The following PLCH1 variants were observed in gnomAD, a reference collection of about 807,000 sequenced individuals.
The protein encoded by PLCH1 is 1-phosphatidylinositol 4,5-bisphosphate phosphodiesterase eta-1.
In PLCH1, 60 loss-of-function variants were observed where a neutral mutation model predicts 126.7. The observed-to-expected ratio is 0.47, with a 90% CI of 0.38 to 0.59. The LOEUF is 0.59. Among genes scored for constraint, PLCH1 ranks in the 20% least tolerant of loss-of-function variants. The probability of loss-of-function intolerance (pLI) is 0.00; values close to 1 mark genes in which losing one functional copy is unlikely to be tolerated. For synonymous variants in PLCH1, 719 were observed against 734.9 expected (o/e 0.98, Z 0.35); for missense variants, 1,723 against 2,040.0 (o/e 0.84, Z 2.99).
intron 11 of PLCH1, among the ~76,000 whole-genome samples, chr3:155,521,361 C>A (rs539322404): frequency 6.6e-6 from 1 of 152,198 alleles, no homozygotes; most frequent in Non-Finnish European, 1.5e-5. Context: ...ATACCTACAA[C>A]AATGATGAGC....
chr3:155,627,583 G>C (rs1324598754), intron 2 of PLCH1, among the ~76,000 whole-genome samples: 1 of 150,812 alleles, frequency 6.6e-6, no homozygotes, highest in Non-Finnish European at 1.5e-5. Context: ...GCAGTGAGCC[G>C]AGATTGTGCC....
rs768008952 is a variant in PLCH1, at chr3:155,500,663, C to T, written c.1796+40G>A. ...ACTAAGCTGACAAGGATGGAGGGGC[C>T]TCAGGAGTGTGAGTAGGAAACATGG... On this transcript the variant is annotated intron_variant, in intron 14 of 22. Transcript: ENST00000460012. 56 of 1,227,750 alleles carry T rather than the reference C, an allele frequency of 4.6e-5. No homozygotes were observed. The Admixed American group carries it at 6.6e-4, about 14-fold the overall frequency. The allele number at this position is 1,227,750 out of a possible 1,614,324, so 76.1% of individuals were successfully genotyped here.
chr3:155,487,954 T>C, intron 21 of PLCH1, 74 bp downstream of exon 21: 1 of 958,272 alleles, frequency 1.0e-6, no homozygotes, highest in Non-Finnish European at 1.7e-6. Flanking sequence ...TACATTCCTA[T>C]TATGCAATTA....
At chr3:155,677,420 G>A (rs751964192) in intron 2 of PLCH1, among the ~76,000 whole-genome samples, 1 of 152,112 alleles carries the variant, frequency 6.6e-6, no homozygotes, top group Non-Finnish European at 1.5e-5. Flanking sequence ...AGGTATATGT[G>A]GGCACACACA....
intron 1 of PLCH1, among the ~76,000 whole-genome samples, chr3:155,731,918 G>A (rs1304844100): frequency 6.6e-6 from 1 of 150,714 alleles, no homozygotes; most frequent in Non-Finnish European, 1.5e-5. Context: ...TTGAGGTTAA[G>A]GCTGCAATGA....
At chr3:155,478,737 T>C (rs1318234560), downstream of PLCH1, among the ~76,000 whole-genome samples, 2 of 152,196 alleles carry the variant, frequency 1.3e-5, no homozygotes, top group South Asian at 2.1e-4. Flanking sequence ...AGTTTTTTCA[T>C]GTGTGAAATG....
chr3:155,519,716 T>C (rs1373588437), intron 11 of PLCH1, among the ~76,000 whole-genome samples: 2 of 145,404 alleles, frequency 1.4e-5, no homozygotes, highest in East Asian at 2.0e-4. Flanking sequence ...CATTCCAATA[T>C]GTGGCCAGAG....
intron 2 of PLCH1, among the ~76,000 whole-genome samples, chr3:155,603,835 C>G (rs1734041750): frequency 6.6e-6 from 1 of 152,024 alleles, no homozygotes; most frequent in Non-Finnish European, 1.5e-5. Flanking sequence ...TGGTGGCTGA[C>G]ACCTGTAATC....
chr3:155,470,857 T>C (rs1013791898), intron 21 of PLCH1, among the ~76,000 whole-genome samples: 10 of 151,850 alleles, frequency 6.6e-5, no homozygotes, highest in Non-Finnish European at 1.3e-4. Flanking sequence ...AATAAAATAA[T>C]TTACAAACAA....
chr3:155,590,361 G>A (rs1413723388), intron 4 of PLCH1, among the ~76,000 whole-genome samples: 1 of 152,124 alleles, frequency 6.6e-6, no homozygotes, highest in Admixed American at 6.6e-5. Flanking sequence ...GGAGGATCAC[G>A]AGGTCAGGAG....
intron 2 of PLCH1, among the ~76,000 whole-genome samples, chr3:155,600,333 T>A (rs1277897779): frequency 1.3e-5 from 2 of 152,226 alleles, no homozygotes; most frequent in African/African-American, 2.4e-5. Flanking sequence ...CCAACAGAAA[T>A]GATTAACAGC....
chr3:155,671,442 C>T (rs1163836755), intron 2 of PLCH1, among the ~76,000 whole-genome samples: 2 of 152,100 alleles, frequency 1.3e-5, no homozygotes, highest in Non-Finnish European at 2.9e-5. Flanking sequence ...TTTATATAGT[C>T]ACAATAATGT....
At chr3:155,639,188 G>A (rs1739094155) in intron 2 of PLCH1, among the ~76,000 whole-genome samples, 1 of 152,106 alleles carries the variant, frequency 6.6e-6, no homozygotes, top group Non-Finnish European at 1.5e-5. Context: ...GGCCAGGGGT[G>A]GTGCTCACAC....
chr3:155,486,334 T>C (rs1379513650), intron 21 of PLCH1: 1 of 619,214 alleles, frequency 1.6e-6, no homozygotes, highest in East Asian at 2.8e-5. Flanking sequence ...TGGGGATTTT[T>C]AGTCTTATGC....
At chr3:155,684,907 T>C (rs1253652505) in intron 2 of PLCH1, among the ~76,000 whole-genome samples, 1 of 152,234 alleles carries the variant, frequency 6.6e-6, no homozygotes, top group Non-Finnish European at 1.5e-5. Flanking sequence ...TTTCTTCTCA[T>C]ATTATTTCCC....
intron 8 of PLCH1, among the ~76,000 whole-genome samples, chr3:155,561,576 T>C (rs1727632421): frequency 6.6e-6 from 1 of 152,020 alleles, no homozygotes; most frequent in South Asian, 2.1e-4. Context: ...CTATTGTGAA[T>C]AATGCCGCAA....
chr3:155,563,937 G>GTC (rs148001604), intron 8 of PLCH1, among the ~76,000 whole-genome samples: 38 of 150,002 alleles, frequency 2.5e-4, no homozygotes, highest in African/African-American at 7.3e-4. Flanking sequence ...CTCTCTCTCT[G>GTC]TCTCTCTCTC....
intron 17 of PLCH1, among the ~76,000 whole-genome samples, chr3:155,493,903 CTT>C: frequency 6.6e-6 from 1 of 152,286 alleles, no homozygotes; most frequent in Non-Finnish European, 1.5e-5. Context: ...CCATGTCCCT[CTT>C]TCACACACGA....
At chr3:155,550,002 A>G in intron 9 of PLCH1, 44 bp from the exon 10 acceptor site, 1 of 1,424,128 alleles carries the variant, frequency 7.0e-7, no homozygotes, top group South Asian at 1.3e-5. Flanking sequence ...GGTGCAGGCA[A>G]CTCACAGGGA....
Sources: allele counts gnomAD v4.1 joint callset (sites outside exome capture counted in the v4.1 genomes callset), GRCh38; gene constraint gnomAD v4.1.1; transcripts MANE v1.5; gene names NCBI Gene and HGNC (gene_info 2026-07-23, HGNC 2026-07-21).